The following PCDHA4 variants were observed in gnomAD, a reference collection of about 807,000 sequenced individuals.
The protein encoded by PCDHA4 is protocadherin alpha 4.
A neutral mutation model predicts 61.4 loss-of-function variants in PCDHA4; 49 were observed. The observed-to-expected ratio is 0.80, with a 90% confidence interval of 0.63 to 1.01. The LOEUF (loss-of-function observed/expected upper bound fraction) is 1.01. Ranked by LOEUF, PCDHA4 falls within the 50% of genes least tolerant of loss-of-function variation. PCDHA4 has a pLI of 0.00. For synonymous variants in PCDHA4, 590 were observed against 550.3 expected (o/e 1.07, Z -1.01); for missense variants, 1,254 against 1,235.8 (o/e 1.01, Z -0.22).
chr5:140,938,977 A>C (rs1205824371), intron 1 of PCDHA4, among the ~76,000 whole-genome samples: 1 of 152,190 alleles, frequency 6.6e-6, no homozygotes, highest in Admixed American at 6.5e-5. Flanking sequence ...CATCAAGGCT[A>C]TCCTGGCTTT....
chr5:140,926,538 G>A (rs155362), intron 1 of PCDHA4: 1 of 210,368 alleles, frequency 4.8e-6, no homozygotes, highest in Admixed American at 5.9e-5. Flanking sequence ...CAGCCAGCGT[G>A]GTGGTCGAGA....
chr5:140,979,094 T>G, intron 2 of PCDHA4, 87 bp downstream of exon 2: 3 of 1,551,990 alleles, frequency 1.9e-6, no homozygotes, highest in Non-Finnish European at 2.6e-6. Context: ...CAGAAGCAGC[T>G]GTCAAAACTA....
intron 1 of PCDHA4, chr5:140,830,232 C>A (rs2150183147): frequency 1.2e-6 from 2 of 1,613,928 alleles, no homozygotes; most frequent in East Asian, 2.2e-5. Context: ...CTGGTCCTCA[C>A]GCTACTGCTG....
chr5:140,878,727 C>A (rs1329578817), intron 1 of PCDHA4, among the ~76,000 whole-genome samples: 2 of 152,186 alleles, frequency 1.3e-5, no homozygotes, highest in Non-Finnish European at 2.9e-5. Context: ...AAATTTCCAG[C>A]CTTATATCTA....
intron 1 of PCDHA4, among the ~76,000 whole-genome samples, chr5:140,918,819 TG>T (rs2078870306): frequency 1.6e-5 from 1 of 61,992 alleles, no homozygotes; most frequent in Admixed American, 1.3e-4. Flanking sequence ...AACCAAAAAG[TG>T]GCCCCCTCCC....
intron 1 of PCDHA4, chr5:140,858,353 G>A (rs782457995): frequency 6.3e-7 from 1 of 1,593,918 alleles, no homozygotes; most frequent in Non-Finnish European, 8.6e-7. Context: ...GGACCTCATG[G>A]CCTTCAGCCC....
intron 1 of PCDHA4, chr5:140,877,996 AT>A (rs1305761926): frequency 2.6e-5 from 27 of 1,037,884 alleles, no homozygotes; most frequent in Non-Finnish European, 3.2e-5. Flanking sequence ...ACTTTTATGT[AT>A]TTGTCTAACA....
intron 1 of PCDHA4, among the ~76,000 whole-genome samples, chr5:140,912,685 G>A (rs2076025155): frequency 6.6e-6 from 1 of 152,060 alleles, no homozygotes; most frequent in Non-Finnish European, 1.5e-5. Flanking sequence ...CTTATTCCAG[G>A]TCTCAGGGGG....
intron 1 of PCDHA4, among the ~76,000 whole-genome samples, chr5:140,916,213 T>A (rs2077480691): frequency 6.6e-6 from 1 of 152,134 alleles, no homozygotes; most frequent in Non-Finnish European, 1.5e-5. Context: ...CTGGGGAAGA[T>A]CCAAATATGC....
At chr5:140,835,778 G>A in intron 1 of PCDHA4, 1 of 1,613,340 alleles carries the variant, frequency 6.2e-7, no homozygotes, top group Non-Finnish European at 8.5e-7. Flanking sequence ...TGTTCGTGAA[G>A]GAGAACAACC....
At chr5:140,873,801 C>G (rs2054500183) in intron 1 of PCDHA4, among the ~76,000 whole-genome samples, 1 of 152,180 alleles carries the variant, frequency 6.6e-6, no homozygotes, top group Non-Finnish European at 1.5e-5. Flanking sequence ...GCTGGGACTA[C>G]AGGCATGCAC....
At chr5:140,947,140 A>G (rs2094093806) in intron 1 of PCDHA4, among the ~76,000 whole-genome samples, 1 of 151,464 alleles carries the variant, frequency 6.6e-6, no homozygotes, top group Admixed American at 6.6e-5. Context: ...AGTAAAATGT[A>G]TAGTTACTTC....
chr5:140,856,514 G>T (rs781942781), intron 1 of PCDHA4: 5 of 1,598,422 alleles, frequency 3.1e-6, no homozygotes, highest in Non-Finnish European at 3.4e-6. Context: ...ACTAGAAGGC[G>T]CATCTGATGC....
At chr5:140,929,205 G>T in intron 1 of PCDHA4, 1 of 1,614,120 alleles carries the variant, frequency 6.2e-7, no homozygotes, top group Non-Finnish European at 8.5e-7. Flanking sequence ...GTTTGCTGTT[G>T]CGTGGGGAGT....
At chr5:140,870,732 T>A (rs782731773) in intron 1 of PCDHA4, 10 of 1,613,288 alleles carry the variant, frequency 6.2e-6, no homozygotes, top group East Asian at 2.2e-5. Flanking sequence ...GCGTGCCGCC[T>A]CTGAGCAGCA....
At chr5:140,927,300 C>T (rs2084061617) in intron 1 of PCDHA4, 2 of 1,614,052 alleles carry the variant, frequency 1.2e-6, no homozygotes, top group South Asian at 2.2e-5. Flanking sequence ...TCCCCGAGTT[C>T]CTGACGCCCG....
intron 1 of PCDHA4, chr5:140,852,998 C>A (rs2150526910): frequency 6.5e-6 from 2 of 309,332 alleles, no homozygotes; most frequent in East Asian, 1.7e-4. Context: ...CCTGCCTCAG[C>A]CTCCCGAGTA....
chr5:140,912,064 A>G (rs1388725837), intron 1 of PCDHA4, among the ~76,000 whole-genome samples: 10 of 152,216 alleles, frequency 6.6e-5, no homozygotes, highest in Non-Finnish European at 1.0e-4. Flanking sequence ...TTGGAGTCCA[A>G]TGTTCAAGGG....
rs150962684 is a variant in PCDHA4 at position 140,829,379 on chromosome 5, G to A, written c.2385+19807G>A. The A allele has an allele frequency of 1.9e-4, 311 of 1,614,184 alleles. 1 individual carries two copies. The African/African-American group carries it at 3.5e-3, about 18-fold the overall frequency. The stretch of plus-strand genomic sequence containing the variant: ...TGAGTTGGTGGTAACCGCGCGGGAC[G>A]GGGGCTCGCCTTCGCTGTGGGCCAC... On this transcript the variant is annotated intron_variant, in intron 1 of 3. Coordinates refer to ENST00000530339, the MANE Select transcript of PCDHA4 (RefSeq NM_018907.4).
Sources: gnomAD v4.1 joint callset for allele counts (sites outside exome capture counted in the v4.1 genomes callset) on GRCh38, gnomAD v4.1.1 for gene constraint, MANE v1.5 for transcripts, NCBI Gene and HGNC (gene_info 2026-07-23, HGNC 2026-07-21) for gene names.